Variants in TMEM132D observed in about 807,000 individuals in gnomAD.
TMEM132D encodes the protein mature OL transmembrane protein.
In TMEM132D, 21 loss-of-function variants were observed where a neutral mutation model predicts 62.3. That is an observed-to-expected ratio of 0.34 (90% CI 0.24 to 0.49). TMEM132D has a LOEUF of 0.49. TMEM132D is among the 20% of genes least tolerant of loss of function. The pLI is 0.99. For synonymous variants in TMEM132D, 621 were observed against 575.6 expected (o/e 1.08, Z -1.13); for missense variants, 1,346 against 1,402.8 (o/e 0.96, Z 0.65).
At chr12:129,350,597 C>T (rs1869832076) in intron 3 of TMEM132D, among the ~76,000 whole-genome samples, 1 of 152,206 alleles carries the variant, frequency 6.6e-6, no homozygotes. Flanking sequence ...TGGAATCAGG[C>T]AGAGAGTGAC....
rs756275076 is a variant in TMEM132D at position 129,700,258 on chromosome 12, G to A, written c.520C>T (p.Arg174Ter). 6.2e-7 allele frequency: 1 copy of A among 1,613,316 alleles called. No individual in the cohort carries two copies. The highest frequency in any genetic ancestry group is 8.5e-7 in the Non-Finnish European group (1 of 1,179,958). Residue 174 changes from arginine to a stop codon, truncating the protein, a stop_gained, in exon 2 of 9, where the codon CGA becomes TGA. Transcript: ENST00000422113. LOFTEE classifies it high-confidence loss of function. ...CTGCCCCGCACCTCTCGGGTCTCTC[G>A]GAAAGCAAAGACCCTCAGGCACGGC... ...KLPCLRVFAFRETREVRGSCR... is the reference protein window; with the variant it reads ...KLPCLRVFAF
intron 5 of TMEM132D, among the ~76,000 whole-genome samples, chr12:129,186,732 G>A (rs1355928788): frequency 1.3e-5 from 2 of 152,142 alleles, no homozygotes; most frequent in Non-Finnish European, 2.9e-5. Context: ...ATCCAACAGT[G>A]CCAGGATCAG....
chr12:129,212,522 T>G (rs1422956834), intron 4 of TMEM132D: 3 of 152,258 alleles, frequency 2.0e-5, no homozygotes, highest in African/African-American at 7.2e-5. Flanking sequence ...GCCTTAGCTT[T>G]GCCTGAGATA....
At chr12:129,321,847 C>CCG (rs1593336695) in intron 4 of TMEM132D, among the ~76,000 whole-genome samples, 2 of 152,242 alleles carry the variant, frequency 1.3e-5, no homozygotes, top group African/African-American at 4.8e-5. Context: ...GCGTGAGCCA[C>CCG]TGCACCCGGC....
chr12:129,639,239 T>TG (rs1315881097), intron 2 of TMEM132D, among the ~76,000 whole-genome samples: 1 of 151,304 alleles, frequency 6.6e-6, no homozygotes, highest in Non-Finnish European at 1.5e-5. Context: ...AAAAAATAGC[T>TG]GGGCATGGTG....
rs1053237518 is a variant in TMEM132D at position 129,073,559 on chromosome 12, G to C, written c.*316C>G. 7.5e-6 allele frequency: 2 copies of C among 266,050 alleles called. No homozygotes were observed. Among genetic ancestry groups the C allele is most frequent in the African/African-American group, 4.4e-5 (2 of 45,366 alleles). The allele number at this position is 266,050 out of a possible 1,614,324, so 16.5% of individuals were successfully genotyped here. On this transcript the variant is annotated 3_prime_UTR_variant, in exon 9 of 9. Transcript: ENST00000422113. ...GATTTTACAATATCCAAATTGCTTTGATTCGAGAGAGAGAGGCTGTTCTTT... is the reference window on the plus strand; with the variant it reads ...GATTTTACAATATCCAAATTGCTTTCATTCGAGAGAGAGAGGCTGTTCTTT...
intron 4 of TMEM132D, among the ~76,000 whole-genome samples, chr12:129,286,633 A>G (rs73148861): frequency 0.036 from 5,535 of 152,274 alleles, 319 homozygotes; most frequent in East Asian, 0.25. Flanking sequence ...CATGTGCTGG[A>G]GCTCCGGGCA....
At chr12:129,426,018 C>T (rs1156256433) in intron 3 of TMEM132D, among the ~76,000 whole-genome samples, 1 of 152,232 alleles carries the variant, frequency 6.6e-6, no homozygotes, top group Non-Finnish European at 1.5e-5. Context: ...ACCCACAACA[C>T]TGGCAGCAGA....
At chr12:129,270,064 C>T (rs2135600295) in intron 4 of TMEM132D, among the ~76,000 whole-genome samples, 1 of 152,346 alleles carries the variant, frequency 6.6e-6, no homozygotes, top group East Asian at 1.9e-4. Context: ...TCCTAGGAAT[C>T]TGATAAGCTC....
At chr12:129,785,827 A>G (rs1378975746) in intron 1 of TMEM132D, among the ~76,000 whole-genome samples, 1 of 152,210 alleles carries the variant, frequency 6.6e-6, no homozygotes, top group African/African-American at 2.4e-5. Flanking sequence ...AAAAGGGACC[A>G]CCTGACTCTT....
At chr12:129,452,867 T>A (rs932033910) in intron 3 of TMEM132D, among the ~76,000 whole-genome samples, 1 of 152,166 alleles carries the variant, frequency 6.6e-6, no homozygotes, top group East Asian at 1.9e-4. Flanking sequence ...CATTTAAAAA[T>A]TATCTTTGTA....
Position 129,699,257 on chromosome 12 carries a change from C to T in TMEM132D, c.968+553G>A, listed in dbSNP as rs1050771675. On this transcript the variant is annotated intron_variant, in intron 2 of 8. Coordinates refer to ENST00000422113, the MANE Select transcript of TMEM132D (RefSeq NM_133448.3). Reference sequence around the variant, plus strand: ...TATATAAGAAACTCAACAAATTCTACTGTATATTCTTCACACGTTATGCTC... The same window carrying T: ...TATATAAGAAACTCAACAAATTCTATTGTATATTCTTCACACGTTATGCTC... Among the ~76,000 whole-genome samples, 5 of 152,184 alleles carry T rather than the reference C, an allele frequency of 3.3e-5. No individual in the cohort carries two copies. The South Asian group carries it at 1.0e-3, about 32-fold the overall frequency.
rs372677479 is a variant in TMEM132D, at chr12:129,371,284, CGAT to C, written c.1116-33470_1116-33468del. The stretch of plus-strand genomic sequence containing the variant: ...ATGATGATGAAGGTGGTGTTGGTGA[CGAT>C]GATGATGATGATGGAGATAATGATG... On this transcript the variant is annotated intron_variant, in intron 3 of 8. Coordinates refer to ENST00000422113, the MANE Select transcript of TMEM132D (RefSeq NM_133448.3). This position sits in a 1 kb window ranked among gnomAD's most constrained non-coding sequence, Gnocchi z 4.3. 6.8e-3 allele frequency among the ~76,000 whole-genome samples: 1,028 copies of C among 151,012 alleles called. 6 individuals carry two copies. Among genetic ancestry groups the C allele is most frequent in the East Asian group, 0.017 (89 of 5,096 alleles).
chr12:129,805,463 T>C (rs1462189434), intron 1 of TMEM132D, among the ~76,000 whole-genome samples: 1 of 152,116 alleles, frequency 6.6e-6, no homozygotes, highest in African/African-American at 2.4e-5. Flanking sequence ...ATTTAATAAA[T>C]GGTGCTGGGA....
In TMEM132D at chr12:129,236,155, TGAGAGAGA is replaced by T. The variant is rs35395261; in HGVS notation, c.1300-26500_1300-26493del. Among the ~76,000 whole-genome samples the T allele has an allele frequency of 6.0e-3, 871 of 144,630 alleles. 7 individuals carry two copies. Among genetic ancestry groups the T allele is most frequent in the African/African-American group, 0.019 (742 of 39,220 alleles). 94.9% of individuals were successfully genotyped at this position (144,630 alleles called of 152,430 possible). A position where few individuals can be genotyped will look rare whatever the true frequency, so the allele number is the denominator to read the frequency against. The stretch of plus-strand genomic sequence containing the variant: ...GTGTGTATGTGTGTATGTGTGTGTA[TGAGAGAGA>T]GAGAGAGAGAGAGAGTCACTAATGG... On this transcript the variant is annotated intron_variant, in intron 4 of 8. Coordinates refer to ENST00000422113, the MANE Select transcript of TMEM132D (RefSeq NM_133448.3).
At chr12:129,271,810 T>C (rs1036717575) in intron 4 of TMEM132D, among the ~76,000 whole-genome samples, 5 of 151,958 alleles carry the variant, frequency 3.3e-5, no homozygotes, top group African/African-American at 9.7e-5. Flanking sequence ...AAGTCTATCA[T>C]TGATGGGCAT....
chr12:129,435,976 G>A (rs1277124764), intron 3 of TMEM132D, among the ~76,000 whole-genome samples: 2 of 152,134 alleles, frequency 1.3e-5, no homozygotes, highest in Non-Finnish European at 2.9e-5. Flanking sequence ...TACAAGTGGG[G>A]AGACCACACT....
intron 1 of TMEM132D, among the ~76,000 whole-genome samples, chr12:129,830,153 A>G (rs892567368): frequency 6.6e-6 from 1 of 152,164 alleles, no homozygotes; most frequent in Non-Finnish European, 1.5e-5. Flanking sequence ...CAGTCAATGG[A>G]AGGATTGAAG....
At chr12:129,264,574 C>A (rs1880637470) in intron 4 of TMEM132D, among the ~76,000 whole-genome samples, 1 of 152,126 alleles carries the variant, frequency 6.6e-6, no homozygotes. Flanking sequence ...TGAGTATCTA[C>A]CCCGAGGAAA....
Sources: allele counts gnomAD v4.1 joint callset (sites outside exome capture counted in the v4.1 genomes callset), GRCh38; gene constraint gnomAD v4.1.1; non-coding constraint Gnocchi (gnomAD v3.1); transcripts MANE v1.5; gene names NCBI Gene and HGNC (gene_info 2026-07-23, HGNC 2026-07-21).